AGMO: variants seen among roughly 807,000 people sequenced by gnomAD.
The protein encoded by AGMO is alkylglycerol monooxygenase, also known as glyceryl-ether monooxygenase.
A neutral mutation model predicts 60.2 loss-of-function variants in AGMO; 75 were observed. The observed-to-expected ratio is 1.25, with a 90% confidence interval of 1.03 to 1.51. The LOEUF is 1.51. Among genes scored for constraint, AGMO ranks in the 40% most tolerant of loss-of-function variants. The pLI is 0.00. For synonymous variants in AGMO, 261 were observed against 177.1 expected (o/e 1.47, Z -3.76); for missense variants, 763 against 525.5 (o/e 1.45, Z -4.42).
At chr7:15,227,103 G>T in intron 12 of AGMO, among the ~76,000 whole-genome samples, 1 of 151,694 alleles carries the variant, frequency 6.6e-6, no homozygotes, top group East Asian at 1.9e-4. Flanking sequence ...TTTTTTTCTT[G>T]CTTAATTGAA....
chr7:15,375,520 C>T (rs1380407035), intron 10 of AGMO, among the ~76,000 whole-genome samples: 2 of 151,192 alleles, frequency 1.3e-5, no homozygotes, highest in Non-Finnish European at 2.9e-5. Context: ...CCTCAGCCTC[C>T]AGAGTAGCTG....
At chr7:15,184,366 GGGAAGGAAGGAA>G in the AGMO span, among the ~76,000 whole-genome samples, 48 of 3,950 alleles carry the variant, frequency 0.012, 2 homozygotes, top group South Asian at 0.026. Flanking sequence ...AGGGAAGGAA[GGGAAGGAAGGAA>G]GGAAGGAAAG....
intron 12 of AGMO, among the ~76,000 whole-genome samples, chr7:15,364,462 A>G (rs893733587): frequency 6.6e-5 from 10 of 152,040 alleles, no homozygotes; most frequent in Admixed American, 2.0e-4. Context: ...TTGTGTTATT[A>G]TTATAGATGC....
At chr7:15,515,016 C>A (rs965707450) in intron 3 of AGMO, among the ~76,000 whole-genome samples, 5 of 152,216 alleles carry the variant, frequency 3.3e-5, no homozygotes, top group African/African-American at 1.2e-4. Flanking sequence ...CCTCTTTCTG[C>A]ATTTTCTCTA....
chr7:15,384,381 C>CAG (rs1783826590), intron 10 of AGMO, among the ~76,000 whole-genome samples: 4 of 152,144 alleles, frequency 2.6e-5, no homozygotes, highest in Non-Finnish European at 5.9e-5. Context: ...AATATATGTT[C>CAG]AGTTGCCTCA....
At chr7:15,314,506 A>G (rs1304821686) in intron 12 of AGMO, among the ~76,000 whole-genome samples, 1 of 152,186 alleles carries the variant, frequency 6.6e-6, no homozygotes, top group Non-Finnish European at 1.5e-5. Context: ...ACTTTAAATC[A>G]CATTCTAGTC....
the AGMO span, among the ~76,000 whole-genome samples, chr7:15,193,070 T>C: frequency 3.9e-5 from 6 of 152,220 alleles, no homozygotes; most frequent in South Asian, 2.1e-4. Context: ...ATTTTGAATT[T>C]TTAAAATAAA....
chr7:15,493,367 T>TACACAC, intron 3 of AGMO, among the ~76,000 whole-genome samples: 1 of 11,480 alleles, frequency 8.7e-5, no homozygotes, highest in Non-Finnish European at 1.5e-4. Context: ...ACACACTTCT[T>TACACAC]TTTTTTTTTT....
chr7:15,198,251 G>GAGAGACAGAGAC (rs71004369), downstream of AGMO, among the ~76,000 whole-genome samples: 12 of 74,366 alleles, frequency 1.6e-4, no homozygotes, highest in South Asian at 9.8e-4. Context: ...GAGAGAGAGA[G>GAGAGACAGAGAC]AGAGACAGAG....
chr7:15,270,680 A>T (rs891167519), intron 12 of AGMO, among the ~76,000 whole-genome samples: 66 of 74,670 alleles, frequency 8.8e-4, no homozygotes, highest in Non-Finnish European at 1.6e-3. Context: ...CCATTTATCT[A>T]TTTTTGTATG....
downstream of AGMO, among the ~76,000 whole-genome samples, chr7:15,196,819 C>T (rs1781128382): frequency 6.6e-6 from 1 of 152,104 alleles, no homozygotes; most frequent in Non-Finnish European, 1.5e-5. Flanking sequence ...TATTATGATT[C>T]ATGGATATTG....
intron 3 of AGMO, among the ~76,000 whole-genome samples, chr7:15,525,338 C>T (rs1019104404): frequency 6.6e-6 from 1 of 152,066 alleles, no homozygotes; most frequent in Non-Finnish European, 1.5e-5. Context: ...AGAACCCTTC[C>T]TCCCATTTGG....
chr7:15,253,658 T>C (rs1783012682), intron 12 of AGMO, among the ~76,000 whole-genome samples: 1 of 152,168 alleles, frequency 6.6e-6, no homozygotes, highest in African/African-American at 2.4e-5. Flanking sequence ...TAATAATTAG[T>C]ATATCCATCA....
At chr7:15,190,645 G>C in the AGMO span, among the ~76,000 whole-genome samples, 2 of 152,076 alleles carry the variant, frequency 1.3e-5, no homozygotes, top group Admixed American at 1.3e-4. Context: ...CCATTGACTT[G>C]ATTCTAATGA....
chr7:15,464,408 G>A (rs1369070080), intron 3 of AGMO, among the ~76,000 whole-genome samples: 1 of 152,160 alleles, frequency 6.6e-6, no homozygotes, highest in African/African-American at 2.4e-5. Flanking sequence ...TCTCCAGCAT[G>A]CTGCATGTGA....
At chr7:15,198,229 G>GAC (rs1781175061), downstream of AGMO, among the ~76,000 whole-genome samples, 1 of 115,592 alleles carries the variant, frequency 8.7e-6, no homozygotes, top group South Asian at 2.9e-4. Context: ...GAGAGAGAGA[G>GAC]AGAGAGAGAG....
intron 12 of AGMO, among the ~76,000 whole-genome samples, chr7:15,256,932 T>C (rs941578413): frequency 3.3e-5 from 5 of 151,988 alleles, no homozygotes; most frequent in Non-Finnish European, 7.4e-5. Context: ...CCAGAGAAAA[T>C]AAATAAATAA....
intron 3 of AGMO, among the ~76,000 whole-genome samples, chr7:15,517,979 G>T (rs376635116): frequency 1.3e-5 from 2 of 152,150 alleles, no homozygotes; most frequent in South Asian, 4.1e-4. Flanking sequence ...ACTCGAGCTT[G>T]GTTGGGGGAG....
At chr7:15,432,978 A>G (rs553613512) in intron 3 of AGMO, among the ~76,000 whole-genome samples, 26 of 152,114 alleles carry the variant, frequency 1.7e-4, no homozygotes, top group African/African-American at 5.8e-4. Flanking sequence ...ACAGATAGAG[A>G]TCCTGAAGTA....
Sources: allele counts gnomAD v4.1 joint callset (sites outside exome capture counted in the v4.1 genomes callset), GRCh38; gene constraint gnomAD v4.1.1; transcripts MANE v1.5; gene names NCBI Gene and HGNC (gene_info 2026-07-23, HGNC 2026-07-21).